The following NISCH variants were observed in gnomAD, a reference collection of about 807,000 sequenced individuals.
NISCH encodes the protein I-1 receptor candidate protein.
A neutral mutation model predicts 138.4 loss-of-function variants in NISCH; 55 were observed. The observed-to-expected ratio is 0.40, with a 90% CI of 0.32 to 0.50. NISCH has a LOEUF of 0.50. Ranked by LOEUF, NISCH falls within the 20% of genes least tolerant of loss-of-function variation. The pLI is 0.71. For synonymous variants in NISCH, 860 were observed against 861.5 expected, an observed-to-expected ratio of 1.00 and a Z score of 0.03; for missense variants, 1,643 against 2,005.5, an observed-to-expected ratio of 0.82 and a Z score of 3.45.
At chr3:52,486,747 G>A (rs889061589) in intron 15 of NISCH, among the ~76,000 whole-genome samples, 1 of 152,238 alleles carries the variant, frequency 6.6e-6, no homozygotes, top group Non-Finnish European at 1.5e-5. Flanking sequence ...CGGTGGCCAA[G>A]AAGAGCTGGA....
At chr3:52,458,974 G>A (rs937897992) in intron 3 of NISCH, 130 bp downstream of exon 3, 24 of 687,408 alleles carry the variant, frequency 3.5e-5, no homozygotes, top group Middle Eastern at 4.3e-4. Flanking sequence ...ATGGAGGAAC[G>A]TCACCCTGGT....
At chr3:52,473,850 G>C (rs1707018781) in intron 7 of NISCH, 21 bp downstream of exon 7, 1 of 1,550,312 alleles carries the variant, frequency 6.5e-7, no homozygotes. Flanking sequence ...CCTATATCCT[G>C]CCTGGGGCAA....
chr3:52,487,317 C>T lies in NISCH; in HGVS notation c.1825C>T (p.Leu609=), dbSNP rs1707426853. ...NQDFIQRLST[L]IRQAIERQLP... The stretch of plus-strand genomic sequence containing the variant: ...GGACTTCATCCAGCGCCTGAGCACA[C>T]TGATCCGGCAGGCCATCGAGCGGCA... Residue 609 remains leucine, a synonymous_variant, in exon 16 of 21, where the codon CTG becomes TTG. Coordinates refer to ENST00000345716, the MANE Select transcript of NISCH (RefSeq NM_007184.4). The surrounding 1 kb of genome is among the most constrained non-coding windows in gnomAD (Gnocchi z 9.1). 1 of 1,614,186 alleles carries T rather than the reference C, an allele frequency of 6.2e-7. No individual in the cohort carries two copies.
At chr3:52,482,353 C>T (rs1707298327) in intron 13 of NISCH, among the ~76,000 whole-genome samples, 1 of 152,198 alleles carries the variant, frequency 6.6e-6, no homozygotes, top group Admixed American at 6.5e-5. Flanking sequence ...CCCGTCGTGG[C>T]AGGCGCTGTC....
chr3:52,491,359 C>G lies in NISCH; in HGVS notation c.3750C>G (p.Thr1250=). The stretch of plus-strand genomic sequence containing the variant: ...CAGCCCCTTCTCGTGCAGGTTCCAC[C>G]CCGATGCAGGTGGTCACGTGCTTGA... ...FDQHFRLTGS[T]PMQVVTCLTR... Residue 1250 remains threonine, a synonymous_variant, in exon 20 of 21, where the codon ACC becomes ACG. Coordinates refer to ENST00000345716, the MANE Select transcript of NISCH (RefSeq NM_007184.4). 6.2e-7 allele frequency: 1 copy of G among 1,611,436 alleles called. No homozygotes were observed. The highest frequency in any genetic ancestry group is 8.5e-7 in the Non-Finnish European group (1 of 1,179,058).
intron 8 of NISCH, among the ~76,000 whole-genome samples, chr3:52,476,963 AG>A (rs1707113617): frequency 1.3e-5 from 2 of 152,074 alleles, no homozygotes; most frequent in South Asian, 4.2e-4. Flanking sequence ...TGAACCCGGG[AG>A]GCGGATGTTG....
chr3:52,489,727 G>T, intron 17 of NISCH, 49 bp downstream of exon 17: 1 of 1,574,038 alleles, frequency 6.4e-7, no homozygotes, highest in Non-Finnish European at 8.6e-7. Flanking sequence ...AGTCCTGAGG[G>T]CGAGGCCAAG....
chr3:52,492,575 TTTGG>T lies in NISCH; in HGVS notation c.*95_*98del, dbSNP rs2153232002. ...TTCTCTAAAAATGTTTTATCCTCCC[TTTGG>T]TACCTTAATTTGACTGTCCTCGCAG... On this transcript the variant is annotated 3_prime_UTR_variant, in exon 21 of 21. Coordinates refer to ENST00000345716, the MANE Select transcript of NISCH (RefSeq NM_007184.4). 7.2e-7 allele frequency: 1 copy of T among 1,379,588 alleles called. No individual in the cohort carries two copies. The highest frequency in any genetic ancestry group is 2.5e-5 in the East Asian group (1 of 40,314). 85.5% of individuals were successfully genotyped at this position (1,379,588 alleles called of 1,614,324 possible). A position where few individuals can be genotyped will look rare whatever the true frequency, so the allele number is the denominator to read the frequency against.
rs1259178721 is a variant in NISCH at position 52,484,539 on chromosome 3, C to T, written c.1555C>T (p.Leu519=). 1.9e-6 allele frequency: 3 copies of T among 1,558,352 alleles called. No individual in the cohort carries two copies. Among genetic ancestry groups the T allele is most frequent in the Non-Finnish European group, 2.6e-6 (3 of 1,146,142 alleles). Residue 519 remains leucine (L), a synonymous_variant, in exon 14 of 21, where the codon CTG becomes TTG. Coordinates refer to ENST00000345716, the MANE Select transcript of NISCH (RefSeq NM_007184.4). ...QGIMFVQEEA[L]ASSLSSTDSL... is the part of the protein sequence containing the mutation. ...AATCATGTTCGTTCAGGAGGAGGCC[C>T]TGGCCAGCAGCCTCTCGTCCACTGA...
chr3:52,455,767 G>T, intron 1 of NISCH, 33 bp downstream of exon 1: 1 of 1,323,260 alleles, frequency 7.6e-7, no homozygotes, highest in Non-Finnish European at 9.8e-7. Context: ...CGAAGCGGGG[G>T]TGGTGGCTGG....
At chr3:52,473,629 T>G (rs930299276) in intron 6 of NISCH, 105 bp from the exon 7 acceptor site, 2 of 698,330 alleles carry the variant, frequency 2.9e-6, no homozygotes, top group Admixed American at 4.8e-5. Flanking sequence ...AGGATTTGGG[T>G]TGCCTGTCAT....
chr3:52,488,565 G>T lies in NISCH; in HGVS notation c.3073G>T (p.Gly1025Cys), dbSNP rs760293101. The change falls in exon 16 of 21, where the codon GGC becomes TGC. Residue 1025 changes from glycine (G) to cysteine (C), a missense_variant. Transcript: ENST00000345716. ...KTPGTGGSPQ[G>C]SFADGQPAER... Reference sequence around the variant, plus strand: ...CCCCGGGACGGGAGGCAGCCCCCAGGGCTCCTTTGCGGATGGCCAGCCTGC... The same window carrying T: ...CCCCGGGACGGGAGGCAGCCCCCAGTGCTCCTTTGCGGATGGCCAGCCTGC... 6.2e-7 allele frequency: 1 copy of T among 1,612,446 alleles called. No homozygotes were observed. The highest frequency in any genetic ancestry group is 1.3e-5 in the African/African-American group (1 of 74,944).
At chr3:52,485,252 G>A (rs1206002087) in intron 14 of NISCH, among the ~76,000 whole-genome samples, 1 of 152,198 alleles carries the variant, frequency 6.6e-6, no homozygotes, top group African/African-American at 2.4e-5. Flanking sequence ...AGCAGCACAA[G>A]GTTATGGCCT....
In NISCH at chr3:52,472,404, G is replaced by C; in HGVS notation, c.669+6G>C. On this transcript the variant is annotated splice_donor_region_variant and intron_variant, in intron 6 of 20. Transcript: ENST00000345716. ...AGTCCCTGCATCAGGTGGAGGTAAG[G>C]CCCAGCGCTGCACAGCATCCTCTCG... is the stretch of plus-strand genomic sequence containing the variant. 3.1e-6 allele frequency: 5 copies of C among 1,605,522 alleles called. No individual in the cohort carries two copies. Among genetic ancestry groups the C allele is most frequent in the Non-Finnish European group, 4.3e-6 (5 of 1,172,228 alleles).
In NISCH at chr3:52,469,909, C is replaced by T. The variant is rs1396993298; in HGVS notation, c.361-950C>T. 4.0e-5 allele frequency among the ~76,000 whole-genome samples: 6 copies of T among 148,926 alleles called. No homozygotes were observed. In the East Asian group the frequency reaches 9.8e-4, roughly 24 times the overall value. On this transcript the variant is annotated intron_variant, in intron 3 of 20. Transcript: ENST00000345716. The stretch of plus-strand genomic sequence containing the variant: ...TAGCCTGGGCAACAGAGCAAGACTC[C>T]GTCTCAAAAAAGAAAAAAAAAAAAA...
At chr3:52,477,911 C>A in intron 9 of NISCH, 186 bp from the exon 10 acceptor site, 1 of 680,930 alleles carries the variant, frequency 1.5e-6, no homozygotes, top group Non-Finnish European at 2.5e-6. Flanking sequence ...CAACTGTCTG[C>A]AGGGGTGCCA....
chr3:52,491,320 C>A, intron 19 of NISCH, 32 bp from the exon 20 acceptor site: 1 of 1,592,060 alleles, frequency 6.3e-7, no homozygotes, highest in Non-Finnish European at 8.6e-7. Flanking sequence ...GGAGCGCCGG[C>A]CTGTGGCCCT....
Position 52,472,406 on chromosome 3 carries a change from C to T in NISCH, c.669+8C>T. ...TCCCTGCATCAGGTGGAGGTAAGGC[C>T]CAGCGCTGCACAGCATCCTCTCGCT... On this transcript the variant is annotated splice_region_variant and intron_variant, in intron 6 of 20. Coordinates refer to ENST00000345716, the MANE Select transcript of NISCH (RefSeq NM_007184.4). 1 of 1,606,658 alleles carries T rather than the reference C, an allele frequency of 6.2e-7. No homozygotes were observed. The highest frequency in any genetic ancestry group is 8.5e-7 in the Non-Finnish European group (1 of 1,173,260).
At chr3:52,478,641 G>T in intron 11 of NISCH, 64 bp downstream of exon 11, 1 of 1,440,168 alleles carries the variant, frequency 6.9e-7, no homozygotes, top group Non-Finnish European at 9.8e-7. Context: ...GTCTGCATGG[G>T]CGGTAGGGGG....
Sources: gnomAD v4.1 joint callset for allele counts (sites outside exome capture counted in the v4.1 genomes callset) on GRCh38, gnomAD v4.1.1 for gene constraint, Gnocchi (gnomAD v3.1) non-coding constraint, MANE v1.5 for transcripts, NCBI Gene and HGNC (gene_info 2026-07-23, HGNC 2026-07-21) for gene names.